LINGO2: variants seen among roughly 807,000 people sequenced by gnomAD.
The protein encoded by LINGO2 is leucine rich repeat and Ig domain containing 2, also known as leucine-rich repeat and immunoglobulin-like domain-containing nogo receptor-interacting protein 2.
LINGO2 carries 14 observed loss-of-function variants against 30.6 expected under a neutral mutation model. The observed-to-expected ratio is 0.46, with a 90% CI of 0.30 to 0.72. The LOEUF (loss-of-function observed/expected upper bound fraction) is 0.72. Ranked by LOEUF, LINGO2 falls within the 30% of genes least tolerant of loss-of-function variation. The pLI is 0.07. For synonymous variants in LINGO2, 317 were observed against 288.5 expected, an observed-to-expected ratio of 1.10 and a Z score of -1.00; for missense variants, 729 against 751.7, an observed-to-expected ratio of 0.97 and a Z score of 0.35.
the LINGO2 span, among the ~76,000 whole-genome samples, chr9:29,122,219 C>T: frequency 4.0e-5 from 6 of 151,800 alleles, no homozygotes; most frequent in Non-Finnish European, 1.5e-5. Flanking sequence ...TACGTATGTT[C>T]AATAATTTAA....
At chr9:29,003,156 C>A in the LINGO2 span, among the ~76,000 whole-genome samples, 2 of 151,974 alleles carry the variant, frequency 1.3e-5, no homozygotes, top group African/African-American at 4.8e-5. Flanking sequence ...TCAGAGAGAG[C>A]CTGGTTCTGC....
At chr9:28,320,695 T>C (rs772792787) in intron 3 of LINGO2, among the ~76,000 whole-genome samples, 16 of 152,162 alleles carry the variant, frequency 1.1e-4, no homozygotes, top group Non-Finnish European at 1.8e-4. Flanking sequence ...TCGCTCTCTA[T>C]GAATGGCAGC....
chr9:29,148,387 G>A, the LINGO2 span, among the ~76,000 whole-genome samples: 3 of 152,090 alleles, frequency 2.0e-5, no homozygotes, highest in Admixed American at 2.0e-4. Context: ...ATAGGTAAAT[G>A]AGTAAAGAGA....
At chr9:28,870,869 G>A in the LINGO2 span, among the ~76,000 whole-genome samples, 1 of 151,928 alleles carries the variant, frequency 6.6e-6, no homozygotes, top group African/African-American at 2.4e-5. Context: ...TATTCCATCA[G>A]ATTGGCAATA....
chr9:28,134,420 C>A (rs1202751256), intron 4 of LINGO2, among the ~76,000 whole-genome samples: 1 of 152,102 alleles, frequency 6.6e-6, no homozygotes. Context: ...TCAAAAATTG[C>A]CTGACTTCAA....
the LINGO2 span, among the ~76,000 whole-genome samples, chr9:29,189,092 C>T: frequency 1.2e-4 from 9 of 75,414 alleles, no homozygotes; most frequent in Admixed American, 1.4e-3. Flanking sequence ...GACGGGGCGG[C>T]TGGCCGACCG....
intron 1 of LINGO2, among the ~76,000 whole-genome samples, chr9:28,550,610 A>G (rs1271142854): frequency 6.6e-6 from 1 of 151,752 alleles, no homozygotes. Context: ...CTCTATGGTA[A>G]TTTGTTTCTT....
rs545446975 is a variant in LINGO2, at chr9:28,661,056, A to G, written c.-365+9144T>C. 2.2e-4 allele frequency among the ~76,000 whole-genome samples: 33 copies of G among 152,228 alleles called. 1 individual carries two copies. The highest frequency in any genetic ancestry group is 7.5e-4 in the African/African-American group (31 of 41,544). The stretch of plus-strand genomic sequence containing the variant: ...ACTGCCTTTATAGTGTGACCTTGCA[A>G]CTACCTCTATCCAGAGGTGGAGTCT... On this transcript the variant is annotated intron_variant, in intron 1 of 5. Transcript: ENST00000379992.
chr9:29,209,250 G>A, the LINGO2 span, among the ~76,000 whole-genome samples: 1 of 152,168 alleles, frequency 6.6e-6, no homozygotes, highest in Admixed American at 6.5e-5. Context: ...AGAAACGAAA[G>A]GCAGTGAAGT....
intron 2 of LINGO2, among the ~76,000 whole-genome samples, chr9:28,401,820 T>A (rs1412641326): frequency 6.6e-6 from 1 of 152,194 alleles, no homozygotes; most frequent in Non-Finnish European, 1.5e-5. Flanking sequence ...TTTGCAATAA[T>A]TGCCATTCTG....
intron 4 of LINGO2, among the ~76,000 whole-genome samples, chr9:28,109,405 C>A (rs1219069932): frequency 1.3e-5 from 2 of 152,126 alleles, no homozygotes; most frequent in Non-Finnish European, 1.5e-5. Context: ...GACAATCAGG[C>A]AATAGAATGA....
chr9:28,711,397 T>C, the LINGO2 span, among the ~76,000 whole-genome samples: 1 of 152,086 alleles, frequency 6.6e-6, no homozygotes. Context: ...AAGATTTATA[T>C]GTCATATTTT....
chr9:28,122,709 C>G (rs1265403284), intron 4 of LINGO2, among the ~76,000 whole-genome samples: 2 of 152,132 alleles, frequency 1.3e-5, no homozygotes, highest in Non-Finnish European at 2.9e-5. Flanking sequence ...TTTTCCTTGT[C>G]TTTTTCCATT....
At chr9:28,632,750 A>ATC in intron 1 of LINGO2, among the ~76,000 whole-genome samples, 1 of 137,008 alleles carries the variant, frequency 7.3e-6, no homozygotes, top group African/African-American at 2.7e-5. Context: ...TTATATATAG[A>ATC]TCTATATATA....
intron 1 of LINGO2, among the ~76,000 whole-genome samples, chr9:28,645,679 C>T (rs775118945): frequency 1.3e-5 from 2 of 152,096 alleles, no homozygotes; most frequent in Non-Finnish European, 2.9e-5. Context: ...TGTTAGAAGA[C>T]ATACTAAGTG....
chr9:28,679,781 T>C, the LINGO2 span, among the ~76,000 whole-genome samples: 3 of 152,068 alleles, frequency 2.0e-5, no homozygotes, highest in East Asian at 3.9e-4. Flanking sequence ...ATTAATTTGG[T>C]CCTTTTTAAA....
chr9:28,742,191 C>G, the LINGO2 span, among the ~76,000 whole-genome samples: 2 of 151,792 alleles, frequency 1.3e-5, no homozygotes, highest in Admixed American at 6.6e-5. Context: ...ATGTGGAGTG[C>G]ACCTCTTTTC....
intron 4 of LINGO2, among the ~76,000 whole-genome samples, chr9:28,263,629 T>A (rs762513325): frequency 3.9e-4 from 60 of 152,004 alleles, no homozygotes; most frequent in Admixed American, 2.0e-4. Flanking sequence ...ACAGAACATT[T>A]TCTCATGTGC....
chr9:28,712,395 A>G, the LINGO2 span, among the ~76,000 whole-genome samples: 8 of 151,854 alleles, frequency 5.3e-5, no homozygotes, highest in Non-Finnish European at 1.0e-4. Context: ...AAAAGAACAT[A>G]GTTTTACAAA....
Sources: gnomAD v4.1 joint callset for allele counts (sites outside exome capture counted in the v4.1 genomes callset) on GRCh38, gnomAD v4.1.1 for gene constraint, MANE v1.5 for transcripts, NCBI Gene and HGNC (gene_info 2026-07-23, HGNC 2026-07-21) for gene names.